Variants in TCF7L1 observed in about 807,000 individuals in gnomAD.
TCF7L1 encodes transcription factor 7-like 1.
TCF7L1 carries 18 observed loss-of-function variants against 63.7 expected under a neutral mutation model. The observed-to-expected ratio is 0.28, with a 90% confidence interval of 0.20 to 0.42. The LOEUF is 0.42. Ranked by LOEUF, TCF7L1 falls within the 10% of genes least tolerant of loss-of-function variation. The pLI is 1.00. For synonymous variants in TCF7L1, 355 were observed against 340.9 expected, an observed-to-expected ratio of 1.04 and a Z score of -0.46; for missense variants, 654 against 779.3, an observed-to-expected ratio of 0.84 and a Z score of 1.91.
intron 11 of TCF7L1, 27 bp from the exon 12 acceptor site, chr2:85,309,002 T>A: frequency 6.4e-7 from 1 of 1,558,566 alleles, no homozygotes; most frequent in Non-Finnish European, 8.7e-7. Context: ...CTATAGCTGC[T>A]CACTCTTTCT....
At chr2:85,140,977 A>G (rs1232588462) in intron 3 of TCF7L1, among the ~76,000 whole-genome samples, 1 of 151,988 alleles carries the variant, frequency 6.6e-6, no homozygotes, top group Non-Finnish European at 1.5e-5. Context: ...GGGGACAAGA[A>G]GATCGAGGAG....
chr2:85,217,313 C>G (rs977511032), intron 3 of TCF7L1: 2 of 152,210 alleles, frequency 1.3e-5, no homozygotes, highest in African/African-American at 4.8e-5. Flanking sequence ...GCAGCTGAAG[C>G]ACTCTGAGAA....
intron 3 of TCF7L1, among the ~76,000 whole-genome samples, chr2:85,270,814 C>T (rs1013817352): frequency 1.3e-5 from 2 of 152,016 alleles, no homozygotes; most frequent in African/African-American, 4.8e-5. Flanking sequence ...CTCAGCCTCT[C>T]GGGTAGCTGG....
At chr2:85,282,006 G>A (rs915439783) in intron 3 of TCF7L1, among the ~76,000 whole-genome samples, 5 of 150,372 alleles carry the variant, frequency 3.3e-5, no homozygotes, top group African/African-American at 1.2e-4. Flanking sequence ...TTTCTTTTTT[G>A]AGATAAAGTC....
intron 4 of TCF7L1, among the ~76,000 whole-genome samples, chr2:85,290,293 C>T (rs984291554): frequency 6.6e-6 from 1 of 152,050 alleles, no homozygotes; most frequent in Admixed American, 6.6e-5. Context: ...AGTTTTTAAG[C>T]TAAAGTTAGC....
intron 3 of TCF7L1, among the ~76,000 whole-genome samples, chr2:85,240,705 G>A (rs937138565): frequency 3.3e-5 from 5 of 151,662 alleles, no homozygotes; most frequent in South Asian, 2.1e-4. Flanking sequence ...GAACCCAGGC[G>A]GCAGAGGTTG....
intron 3 of TCF7L1, among the ~76,000 whole-genome samples, chr2:85,142,197 C>T (rs991105809): frequency 2.0e-5 from 3 of 152,060 alleles, no homozygotes; most frequent in Admixed American, 6.6e-5. Flanking sequence ...GAGGCCAAGG[C>T]GGGCAGATTG....
chr2:85,255,478 A>G (rs1680693484), intron 3 of TCF7L1, among the ~76,000 whole-genome samples: 1 of 152,196 alleles, frequency 6.6e-6, no homozygotes, highest in Non-Finnish European at 1.5e-5. Context: ...TGCTTCAGTC[A>G]GGGGCCCTTC....
At chr2:85,181,790 GC>G (rs959222678) in intron 3 of TCF7L1, among the ~76,000 whole-genome samples, 13 of 152,154 alleles carry the variant, frequency 8.5e-5, no homozygotes, top group African/African-American at 3.1e-4. Context: ...GTCTGGTGTT[GC>G]CCCTCTTTGA....
intron 3 of TCF7L1, among the ~76,000 whole-genome samples, chr2:85,257,166 A>T (rs1470949577): frequency 6.6e-6 from 1 of 152,118 alleles, no homozygotes; most frequent in East Asian, 1.9e-4. Flanking sequence ...GTGAGCTCTG[A>T]TTGAGCCATT....
chr2:85,290,326 C>T (rs558528480), intron 4 of TCF7L1, among the ~76,000 whole-genome samples: 19 of 152,092 alleles, frequency 1.2e-4, no homozygotes, highest in East Asian at 5.8e-4. Flanking sequence ...TATTTGTATA[C>T]GTGTGCGCTT....
chr2:85,164,441 G>C (rs533434181), intron 3 of TCF7L1, among the ~76,000 whole-genome samples: 70 of 152,240 alleles, frequency 4.6e-4, no homozygotes, highest in African/African-American at 1.5e-3. Context: ...TGGACAAGAG[G>C]GGTTTGTTTT....
intron 3 of TCF7L1, among the ~76,000 whole-genome samples, chr2:85,185,139 C>T (rs1014127663): frequency 4.6e-5 from 7 of 152,140 alleles, no homozygotes; most frequent in South Asian, 4.1e-4. Flanking sequence ...GACTTAGCGA[C>T]GCCTGAGAAA....
chr2:85,205,039 A>G (rs1489413789), intron 3 of TCF7L1: 1 of 152,152 alleles, frequency 6.6e-6, no homozygotes, highest in Non-Finnish European at 1.5e-5. Context: ...TTTAAACAAC[A>G]TATTTAGAGA....
chr2:85,200,193 G>A (rs1679243143), intron 3 of TCF7L1, among the ~76,000 whole-genome samples: 1 of 152,172 alleles, frequency 6.6e-6, no homozygotes, highest in Non-Finnish European at 1.5e-5. Flanking sequence ...GGCTATTGTG[G>A]ACAGTGCTGC....
chr2:85,286,889 G>T (rs1168082635), intron 4 of TCF7L1, among the ~76,000 whole-genome samples: 1 of 152,182 alleles, frequency 6.6e-6, no homozygotes, highest in Non-Finnish European at 1.5e-5. Flanking sequence ...AGTGAGCCAT[G>T]ATTGTGCCAC....
chr2:85,200,795 G>A (rs1679253540), intron 3 of TCF7L1, among the ~76,000 whole-genome samples: 1 of 152,186 alleles, frequency 6.6e-6, no homozygotes, highest in Non-Finnish European at 1.5e-5. Flanking sequence ...CTCACATAGA[G>A]ATCACTAGCA....
rs1682083845 is a variant in TCF7L1, at chr2:85,305,403, TGTAA to T, written c.989+6_989+9del. ...CCCAGCCTGAGCCCTGCAGTGAGCG[TGTAA>T]GTAAGCGGCAGCCTGGATTCAGGTG... On this transcript the variant is annotated splice_donor_variant and splice_donor_region_variant and intron_variant, in intron 8 of 11. Transcript: ENST00000282111. LOFTEE classifies it high-confidence loss of function. 1.2e-6 allele frequency: 2 copies of T among 1,606,056 alleles called. No individual in the cohort carries two copies. Among genetic ancestry groups the T allele is most frequent in the Non-Finnish European group, 8.5e-7 (1 of 1,175,624 alleles).
chr2:85,226,669 C>T (rs1413969045), intron 3 of TCF7L1, among the ~76,000 whole-genome samples: 1 of 152,150 alleles, frequency 6.6e-6, no homozygotes, highest in Non-Finnish European at 1.5e-5. Context: ...CCATAATAAC[C>T]ACTCACTCCT....
Sources: allele counts gnomAD v4.1 joint callset (sites outside exome capture counted in the v4.1 genomes callset), GRCh38; gene constraint gnomAD v4.1.1; transcripts MANE v1.5; gene names NCBI Gene and HGNC (gene_info 2026-07-23, HGNC 2026-07-21).